The following CFAP61 variants were observed in gnomAD, a reference collection of about 807,000 sequenced individuals.
CFAP61 encodes cilia- and flagella-associated protein 61.
Under a neutral mutation model 135.6 loss-of-function variants are expected in CFAP61, and 107 were observed. The ratio of observed to expected loss-of-function variants is 0.79; its 90% CI spans 0.67 to 0.93. CFAP61 has a LOEUF of 0.93. Among genes scored for constraint, CFAP61 ranks in the 40% least tolerant of loss-of-function variants. The probability of loss-of-function intolerance (pLI) is 0.00; values close to 1 mark genes in which losing one functional copy is unlikely to be tolerated. For synonymous variants in CFAP61, 575 were observed against 578.5 expected, an observed-to-expected ratio of 0.99 and a Z score of 0.09; for missense variants, 1,507 against 1,556.2, an observed-to-expected ratio of 0.97 and a Z score of 0.53.
chr20:20,172,816 T>G (rs966726307), intron 13 of CFAP61, among the ~76,000 whole-genome samples: 1 of 152,216 alleles, frequency 6.6e-6, no homozygotes, highest in Non-Finnish European at 1.5e-5. Context: ...ATAGTTCACA[T>G]TAGGGTTCGC....
intron 13 of CFAP61, chr20:20,171,848 T>C (rs2054247599): frequency 1.5e-6 from 1 of 678,842 alleles, no homozygotes. Context: ...CATGCAAGAG[T>C]TTCAGACCCA....
At chr20:20,064,032 A>ACCCCAC (rs373522191) in intron 2 of CFAP61, among the ~76,000 whole-genome samples, 1 of 113,222 alleles carries the variant, frequency 8.8e-6, no homozygotes, top group African/African-American at 2.9e-5. Context: ...AAATAGAGTA[A>ACCCCAC]CCGCCCCCCA....
At chr20:20,305,368 T>C (rs567728101) in intron 25 of CFAP61, among the ~76,000 whole-genome samples, 1 of 152,368 alleles carries the variant, frequency 6.6e-6, no homozygotes, top group Admixed American at 6.5e-5. Flanking sequence ...GTTGGAATAA[T>C]TTAATCATGA....
chr20:20,250,706 ACT>A (rs2050814332), intron 19 of CFAP61, among the ~76,000 whole-genome samples: 1 of 152,196 alleles, frequency 6.6e-6, no homozygotes, highest in East Asian at 1.9e-4. Context: ...ATTACCTTAG[ACT>A]CTCAGTATTC....
intron 25 of CFAP61, among the ~76,000 whole-genome samples, chr20:20,341,549 C>T (rs1437426942): frequency 1.3e-5 from 2 of 152,330 alleles, no homozygotes; most frequent in East Asian, 3.9e-4. Context: ...CCGTTCTTTA[C>T]AAGTCTTCAG....
At chr20:20,306,723 G>A (rs1028557387) in intron 25 of CFAP61, among the ~76,000 whole-genome samples, 4 of 152,128 alleles carry the variant, frequency 2.6e-5, no homozygotes, top group Admixed American at 6.5e-5. Context: ...CAGTCCTTAC[G>A]TTGCCCTTTC....
chr20:20,247,865 C>T (rs2050585761), intron 19 of CFAP61, among the ~76,000 whole-genome samples: 3 of 152,230 alleles, frequency 2.0e-5, no homozygotes, highest in Admixed American at 2.0e-4. Flanking sequence ...ATCCTGACCA[C>T]ACCATTCATT....
At chr20:20,192,058 T>C (rs2055957302) in intron 15 of CFAP61, among the ~76,000 whole-genome samples, 1 of 152,050 alleles carries the variant, frequency 6.6e-6, no homozygotes, top group African/African-American at 2.4e-5. Context: ...AATTTTCTTG[T>C]TTTTTGTTCT....
chr20:20,186,901 A>G (rs1056713250), intron 13 of CFAP61, among the ~76,000 whole-genome samples: 2 of 152,204 alleles, frequency 1.3e-5, no homozygotes, highest in African/African-American at 2.4e-5. Context: ...GGCTAGCTAC[A>G]TAATATACAG....
At chr20:20,115,488 A>T (rs570810548) in intron 8 of CFAP61, among the ~76,000 whole-genome samples, 2 of 152,048 alleles carry the variant, frequency 1.3e-5, no homozygotes, top group African/African-American at 4.8e-5. Flanking sequence ...ATAGATTATT[A>T]TAAACTATAG....
At chr20:20,356,175 AG>A (rs534636572) in intron 26 of CFAP61, among the ~76,000 whole-genome samples, 14 of 112,516 alleles carry the variant, frequency 1.2e-4, no homozygotes, top group African/African-American at 4.5e-4. Flanking sequence ...GGTCACACTG[AG>A]GGGGGGTGGT....
At chr20:20,108,671 TC>T (rs2048576767) in intron 8 of CFAP61, among the ~76,000 whole-genome samples, 1 of 152,204 alleles carries the variant, frequency 6.6e-6, no homozygotes, top group Non-Finnish European at 1.5e-5. Context: ...TTTTATTTCC[TC>T]CCTATATTTT....
rs763748651 is a variant in CFAP61 at position 20,164,143 on chromosome 20, C to G, written c.1120C>G (p.Pro374Ala). 1 of 1,614,104 alleles carries G rather than the reference C, an allele frequency of 6.2e-7. No individual in the cohort carries two copies. Among genetic ancestry groups the G allele is most frequent in the Non-Finnish European group, 8.5e-7 (1 of 1,179,974 alleles). ...SLASLVLPEE[P>A]VHFRPIYRGA... The stretch of plus-strand genomic sequence containing the variant: ...GGCATCGCTCGTACTGCCTGAAGAG[C>G]CCGTCCACTTCCGCCCCATCTACAG... The change falls in exon 11 of 27, where the codon CCC becomes GCC. Residue 374 changes from proline to alanine, a missense_variant. Physicochemically the swap from Pro to Ala is conservative, Grantham distance 27 (BLOSUM62 -1). Coordinates refer to ENST00000245957, the MANE Select transcript of CFAP61 (RefSeq NM_015585.4).
At chr20:20,278,901 G>A (rs751890636) in intron 22 of CFAP61, among the ~76,000 whole-genome samples, 2 of 152,046 alleles carry the variant, frequency 1.3e-5, no homozygotes, top group Non-Finnish European at 2.9e-5. Flanking sequence ...CTCTGTCCTC[G>A]ATGTTAGGGA....
At chr20:20,238,336 A>T (rs959257787) in intron 18 of CFAP61, among the ~76,000 whole-genome samples, 2 of 152,246 alleles carry the variant, frequency 1.3e-5, no homozygotes, top group Non-Finnish European at 1.5e-5. Flanking sequence ...ATATGTAGAT[A>T]GGTTAAATAT....
At chr20:20,349,967 C>A (rs2122427866) in intron 26 of CFAP61, among the ~76,000 whole-genome samples, 1 of 152,328 alleles carries the variant, frequency 6.6e-6, no homozygotes, top group Admixed American at 6.5e-5. Flanking sequence ...AGTTGAAGAA[C>A]TCACATTTTC....
Position 20,090,873 on chromosome 20 carries a change from T to C in CFAP61, c.596T>C (p.Ile199Thr), listed in dbSNP as rs987583514. 2 of 1,613,978 alleles carry C rather than the reference T, an allele frequency of 1.2e-6. No individual in the cohort carries two copies. The highest frequency in any genetic ancestry group is 2.7e-5 in the African/African-American group (2 of 74,890). ...GAAGACCATGACGATCTCATGCCAA[T>C]ATTTATGCGCTATGACACAATTCTG... ...RVEDHDDLMP[I>T]FMRYDTILKE... is the part of the protein sequence containing the mutation. Residue 199 changes from isoleucine to threonine, a missense_variant, in exon 7 of 27, where the codon ATA (isoleucine) becomes ACA (threonine). By Grantham distance (89) the Ile-to-Thr change is moderately conservative. Coordinates refer to ENST00000245957, the MANE Select transcript of CFAP61 (RefSeq NM_015585.4).
chr20:20,320,403 A>AATATATTAT lies in CFAP61; in HGVS notation c.3423-21422_3423-21421insTATATATAT, dbSNP rs1252047306. On this transcript the variant is annotated intron_variant, in intron 25 of 26. Coordinates refer to ENST00000245957, the MANE Select transcript of CFAP61 (RefSeq NM_015585.4). ...TATATGTAATATATATAATATATGT[A>AATATATTAT]ATATATGTAATATATATTATATATG... Among the ~76,000 whole-genome samples, 17 of 76,622 alleles carry AATATATTAT rather than the reference A, an allele frequency of 2.2e-4. 5 individuals carry two copies. The highest frequency in any genetic ancestry group is 7.1e-4 in the South Asian group (2 of 2,814). 50.3% of individuals were successfully genotyped at this position (76,622 alleles called of 152,430 possible). A position where few individuals can be genotyped will look rare whatever the true frequency, so the allele number is the denominator to read the frequency against.
intron 8 of CFAP61, among the ~76,000 whole-genome samples, chr20:20,115,635 C>T (rs2146679618): frequency 6.6e-6 from 1 of 152,300 alleles, no homozygotes; most frequent in Non-Finnish European, 1.5e-5. Context: ...AATCTACTCT[C>T]CACCTTCATA....
Sources: allele counts gnomAD v4.1 joint callset (sites outside exome capture counted in the v4.1 genomes callset), GRCh38; gene constraint gnomAD v4.1.1; transcripts MANE v1.5; gene names NCBI Gene and HGNC (gene_info 2026-07-23, HGNC 2026-07-21).